SSR1: variants seen among roughly 807,000 people sequenced by gnomAD.
The protein encoded by SSR1 is translocon-associated protein subunit alpha.
Under a neutral mutation model 36.1 loss-of-function variants are expected in SSR1, and 13 were observed. The observed-to-expected ratio is 0.36, with a 90% CI of 0.23 to 0.57. The LOEUF (loss-of-function observed/expected upper bound fraction) is 0.57, where lower values mean the gene tolerates loss of function less well. Among genes scored for constraint, SSR1 ranks in the 20% least tolerant of loss-of-function variants. SSR1 has a pLI of 0.81. For synonymous variants in SSR1, 113 were observed against 118.9 expected, an observed-to-expected ratio of 0.95 and a Z score of 0.32; for missense variants, 291 against 338.5, an observed-to-expected ratio of 0.86 and a Z score of 1.10.
In SSR1 at chr6:7,313,131, G is replaced by A. The variant is rs751712124; in HGVS notation, c.-11C>T. ...GGGGAGGAGTCTCATGGCGCTGCCG[G>A]TCCAGTGTCCAGTTTCCGTCGGCTA... On this transcript the variant is annotated 5_prime_UTR_variant, in exon 1 of 8. Transcript: ENST00000244763. 44 of 1,598,262 alleles carry A rather than the reference G, an allele frequency of 2.8e-5. No individual in the cohort carries two copies. In the South Asian group the frequency reaches 4.6e-4, roughly 17 times the overall value.
At chr6:7,297,854 C>T in intron 6 of SSR1, 69 bp downstream of exon 6, 1 of 1,241,178 alleles carries the variant, frequency 8.1e-7, no homozygotes, top group Non-Finnish European at 1.2e-6. Context: ...GGCCGAAGAA[C>T]TAGACTGCTT....
rs188808987 is a variant in SSR1, at chr6:7,306,773, G to A, written c.193-3136C>T. 4.9e-3 allele frequency among the ~76,000 whole-genome samples: 739 copies of A among 151,820 alleles called. 32 individuals carry two copies. Among genetic ancestry groups the A allele is most frequent in the Admixed American group, 0.042 (638 of 15,268 alleles). The stretch of plus-strand genomic sequence containing the variant: ...CTACTAAAAATACAAAAAATTAGCC[G>A]GGTGTGGTGGCGGGCGCCTATAATC... On this transcript the variant is annotated intron_variant, in intron 2 of 7. Transcript: ENST00000244763.
At chr6:7,308,356 T>C (rs1758116359) in intron 2 of SSR1, among the ~76,000 whole-genome samples, 1 of 151,722 alleles carries the variant, frequency 6.6e-6, no homozygotes, top group African/African-American at 2.4e-5. Flanking sequence ...TGAAAGTAAG[T>C]CAAAAAAGAA....
chr6:7,284,174 C>CTGAA lies in SSR1; in HGVS notation c.*5686_*5689dup. ...TTTCTTTGGGTGGTTCAGTCTGATG[C>CTGAA]TGAAATAAATTGCAAGATGATTTTC... On this transcript the variant is annotated 3_prime_UTR_variant, in exon 8 of 8. Coordinates refer to ENST00000244763, the MANE Select transcript of SSR1 (RefSeq NM_003144.5). 6.6e-6 allele frequency: 1 copy of CTGAA among 152,250 alleles called. No homozygotes were observed. The highest frequency in any genetic ancestry group is 2.1e-4 in the South Asian group (1 of 4,824). 9.4% of individuals were successfully genotyped at this position (152,250 alleles called of 1,614,324 possible).
intron 6 of SSR1, 135 bp from the exon 7 acceptor site, chr6:7,295,620 G>A (rs920258673): frequency 1.2e-5 from 7 of 577,252 alleles, no homozygotes; most frequent in Non-Finnish European, 2.0e-5. Context: ...CCTCCTGCCT[G>A]AGCCTCCCAA....
chr6:7,308,926 A>T (rs1581638018), intron 2 of SSR1, among the ~76,000 whole-genome samples: 1 of 152,376 alleles, frequency 6.6e-6, no homozygotes, highest in East Asian at 1.9e-4. Flanking sequence ...AAAAGGAAGC[A>T]GCAGGTATTC....
chr6:7,306,744 G>A (rs963528755), intron 2 of SSR1, among the ~76,000 whole-genome samples: 11 of 151,524 alleles, frequency 7.3e-5, no homozygotes, highest in African/African-American at 1.2e-4. Context: ...GTGAAACCCC[G>A]TCTCTACTAA....
intron 1 of SSR1, 59 bp downstream of exon 1, chr6:7,312,983 C>A: frequency 2.0e-6 from 3 of 1,522,542 alleles, no homozygotes; most frequent in Non-Finnish European, 2.7e-6. Context: ...CAACTTCAAA[C>A]TTGCCATCAC....
In SSR1 at chr6:7,288,837, A is replaced by T. The variant is rs996753552; in HGVS notation, c.*1027T>A. On this transcript the variant is annotated 3_prime_UTR_variant, in exon 8 of 8. Transcript: ENST00000244763. ...ATCTTTCAGGTTAACTAAAAAGGTT[A>T]TATCAACAAGCAAAACTCCCAAAAG... The T allele has an allele frequency of 6.6e-6, 1 of 152,368 alleles. No individual in the cohort carries two copies. Among genetic ancestry groups the T allele is most frequent in the Non-Finnish European group, 1.5e-5 (1 of 68,040 alleles). The allele number at this position is 152,368 out of a possible 1,614,324, so 9.4% of individuals were successfully genotyped here.
At chr6:7,295,639 G>A (rs1489911382) in intron 6 of SSR1, among the ~76,000 whole-genome samples, 154 bp from the exon 7 acceptor site, 1 of 152,138 alleles carries the variant, frequency 6.6e-6, no homozygotes, top group Admixed American at 6.5e-5. Flanking sequence ...AAGTAGCTGG[G>A]ACTATAGGCA....
chr6:7,292,662 A>C (rs1396030644), intron 7 of SSR1, among the ~76,000 whole-genome samples: 1 of 152,150 alleles, frequency 6.6e-6, no homozygotes, highest in African/African-American at 2.4e-5. Context: ...CTGAGACTAC[A>C]TGTGCACACC....
chr6:7,301,236 T>A lies in SSR1; in HGVS notation c.543+74A>T. Reference sequence around the variant, plus strand: ...CAAAACAGGCAACTGAATGAACAGATATATTCTATTAAACAACGTCACCGC... The same window carrying A: ...CAAAACAGGCAACTGAATGAACAGAAATATTCTATTAAACAACGTCACCGC... On this transcript the variant is annotated intron_variant, in intron 4 of 7. Transcript: ENST00000244763. 2.0e-6 allele frequency: 3 copies of A among 1,528,502 alleles called. No homozygotes were observed. The South Asian group carries it at 3.8e-5, about 19-fold the overall frequency. The allele number at this position is 1,528,502 out of a possible 1,614,324, so 94.7% of individuals were successfully genotyped here. A position where few individuals can be genotyped will look rare whatever the true frequency, so the allele number is the denominator to read the frequency against.
chr6:7,306,896 G>T lies in SSR1; in HGVS notation c.192+3021C>A, dbSNP rs140526508. On this transcript the variant is annotated intron_variant, in intron 2 of 7. Coordinates refer to ENST00000244763, the MANE Select transcript of SSR1 (RefSeq NM_003144.5). Reference sequence around the variant, plus strand: ...CACGCCACTGCACTCCAGCCTGGGCGACAGAGCGAGACTCTGTCTGGGTGG... The same window carrying T: ...CACGCCACTGCACTCCAGCCTGGGCTACAGAGCGAGACTCTGTCTGGGTGG... 1.0e-3 allele frequency among the ~76,000 whole-genome samples: 135 copies of T among 129,364 alleles called. 1 individual carries two copies. Among genetic ancestry groups the T allele is most frequent in the African/African-American group, 4.1e-3 (132 of 32,248 alleles). The allele number at this position is 129,364 out of a possible 152,430, so 84.9% of individuals were successfully genotyped here.
chr6:7,313,076 G>A lies in SSR1; in HGVS notation c.45C>T (p.Phe15=), dbSNP rs1446301271. Residue 15 remains phenylalanine, a synonymous_variant, in exon 1 of 8, where the codon TTC becomes TTT. Coordinates refer to ENST00000244763, the MANE Select transcript of SSR1 (RefSeq NM_003144.5). ...CGCCTCGGAACAAGACAGTGGCAGGGAACACGAGTAAGAGAAGCAGCAGCA... is the reference window on the plus strand; with the variant it reads ...CGCCTCGGAACAAGACAGTGGCAGGAAACACGAGTAAGAGAAGCAGCAGCA... The part of the protein sequence containing the change: ...PRLLLLLLLV[F]PATVLFRGGP... The A allele has an allele frequency of 5.0e-6, 8 of 1,608,854 alleles. No homozygotes were observed. The highest frequency in any genetic ancestry group is 4.2e-6 in the Non-Finnish European group (5 of 1,177,534).
In SSR1 at chr6:7,284,440, C is replaced by G. The variant is rs1320434753; in HGVS notation, c.*5424G>C. The G allele has an allele frequency of 6.6e-6, 1 of 152,176 alleles. No homozygotes were observed. The highest frequency in any genetic ancestry group is 2.4e-5 in the African/African-American group (1 of 41,438). The allele number at this position is 152,176 out of a possible 1,614,324, so 9.4% of individuals were successfully genotyped here. ...ATGTAGCTTACATATTCAGAATTTA[C>G]CTACTACCCCACCACATCAAAGTCC... On this transcript the variant is annotated 3_prime_UTR_variant, in exon 8 of 8. Transcript: ENST00000244763.
chr6:7,295,622 G>A (rs1396900248), intron 6 of SSR1, 137 bp from the exon 7 acceptor site: 1 of 570,938 alleles, frequency 1.8e-6, no homozygotes, highest in African/African-American at 2.0e-5. Context: ...TCCTGCCTGA[G>A]CCTCCCAAGT....
rs1426490143 is a variant in SSR1, at chr6:7,313,127, G to T, written c.-7C>A. ...AGCGGGGGAGGAGTCTCATGGCGCT[G>T]CCGGTCCAGTGTCCAGTTTCCGTCG... On this transcript the variant is annotated 5_prime_UTR_variant, in exon 1 of 8. Coordinates refer to ENST00000244763, the MANE Select transcript of SSR1 (RefSeq NM_003144.5). 2 of 1,601,328 alleles carry T rather than the reference G, an allele frequency of 1.2e-6. No homozygotes were observed. Among genetic ancestry groups the T allele is most frequent in the South Asian group, 1.1e-5 (1 of 89,666 alleles).
chr6:7,307,558 T>G (rs939450791), intron 2 of SSR1, among the ~76,000 whole-genome samples: 1 of 152,214 alleles, frequency 6.6e-6, no homozygotes, highest in Non-Finnish European at 1.5e-5. Flanking sequence ...TAATTTTTTT[T>G]AGAGACAGGG....
chr6:7,307,962 C>T (rs1207052665), intron 2 of SSR1, among the ~76,000 whole-genome samples: 1 of 152,174 alleles, frequency 6.6e-6, no homozygotes, highest in African/African-American at 2.4e-5. Flanking sequence ...CCCCAAATAC[C>T]ATCTTTAATC....
Sources: allele counts gnomAD v4.1 joint callset (sites outside exome capture counted in the v4.1 genomes callset), GRCh38; gene constraint gnomAD v4.1.1; transcripts MANE v1.5; gene names NCBI Gene and HGNC (gene_info 2026-07-23, HGNC 2026-07-21).